The following REV3L variants were observed in gnomAD, a reference collection of about 807,000 sequenced individuals.
REV3L encodes the protein DNA polymerase zeta catalytic subunit.
REV3L carries 69 observed loss-of-function variants against 299.4 expected under a neutral mutation model. The ratio of observed to expected loss-of-function variants is 0.23; its 90% confidence interval spans 0.19 to 0.28. The LOEUF is 0.28. Ranked by LOEUF, REV3L falls within the 10% of genes least tolerant of loss-of-function variation. REV3L has a pLI of 1.00. For missense variants in REV3L, 3,128 were observed against 3,693.8 expected (o/e 0.85, Z 3.97); for synonymous variants, 1,238 against 1,271.4 (o/e 0.97, Z 0.56).
At chr6:111,389,498 G>A (rs1400853430) in intron 6 of REV3L, among the ~76,000 whole-genome samples, 2 of 151,912 alleles carry the variant, frequency 1.3e-5, no homozygotes, top group East Asian at 3.9e-4. Flanking sequence ...GAAATTAAAA[G>A]GCACAGTACA....
chr6:111,329,489 ATTT>A (rs1775172412), intron 25 of REV3L, 40 bp downstream of exon 25: 2 of 1,588,990 alleles, frequency 1.3e-6, no homozygotes, highest in African/African-American at 2.7e-5. Context: ...GCCTCACTGT[ATTT>A]TAGTCTCTTT....
At chr6:111,449,621 T>C (rs145950212) in intron 1 of REV3L, among the ~76,000 whole-genome samples, 57 of 152,316 alleles carry the variant, frequency 3.7e-4, no homozygotes, top group African/African-American at 1.3e-3. Flanking sequence ...CATAAGATTA[T>C]TGACTCAGTA....
intron 16 of REV3L, among the ~76,000 whole-genome samples, chr6:111,363,153 G>C (rs1778868195): frequency 1.3e-5 from 2 of 152,212 alleles, no homozygotes; most frequent in Admixed American, 1.3e-4. Context: ...GGATTAAGTA[G>C]AGAGTATATG....
intron 4 of REV3L, among the ~76,000 whole-genome samples, chr6:111,394,807 A>T (rs1388306033): frequency 6.6e-6 from 1 of 151,114 alleles, no homozygotes; most frequent in Non-Finnish European, 1.5e-5. Context: ...GGCTCAAATG[A>T]TCCTCCCATC....
chr6:111,351,912 G>T, intron 18 of REV3L, 121 bp from the exon 19 acceptor site: 1 of 591,606 alleles, frequency 1.7e-6, no homozygotes. Context: ...ACGGTGCCCA[G>T]ATGGAGAAGG....
Position 111,315,388 on chromosome 6 carries a change from G to A in REV3L, c.8352-7C>T, listed in dbSNP as rs746253250. ...TTTCAGTAGCACAAACATACTAAGG[G>A]GATTAAAAATAAAGTAAGGTAATGA... On this transcript the variant is annotated splice_polypyrimidine_tract_variant and splice_region_variant and intron_variant, in intron 26 of 31. Transcript: ENST00000368802. The A allele has an allele frequency of 6.2e-7, 1 of 1,604,928 alleles. No homozygotes were observed. Among genetic ancestry groups the A allele is most frequent in the Non-Finnish European group, 8.5e-7 (1 of 1,174,048 alleles).
At chr6:111,341,561 T>C (rs1273298007) in intron 21 of REV3L, among the ~76,000 whole-genome samples, 1 of 152,188 alleles carries the variant, frequency 6.6e-6, no homozygotes, top group Admixed American at 6.5e-5. Flanking sequence ...AAGTACAGAT[T>C]CACTCATTTA....
At chr6:111,352,474 T>G (rs1038289410) in intron 18 of REV3L, among the ~76,000 whole-genome samples, 4 of 152,070 alleles carry the variant, frequency 2.6e-5, no homozygotes, top group Non-Finnish European at 4.4e-5. Flanking sequence ...AGGGTGTGTG[T>G]GGGTATGGTA....
chr6:111,373,352 G>A lies in REV3L; in HGVS notation c.5003C>T (p.Pro1668Leu). The A allele has an allele frequency of 6.2e-7, 1 of 1,613,646 alleles. No homozygotes were observed. The highest frequency in any genetic ancestry group is 8.5e-7 in the Non-Finnish European group (1 of 1,179,878). The change falls in exon 13 of 32, where the codon CCA (proline) becomes CTA (leucine). Residue 1668 changes from proline (P) to leucine (L), a missense_variant. By Grantham distance (98) the Pro-to-Leu change is moderately conservative. Transcript: ENST00000368802. ...CSFYSGSQFV[P>L]ADQNLPQKFL... Reference sequence around the variant, plus strand: ...CTTCTGAGGCAAATTCTGATCAGCTGGGACAAACTGACTTCCAGAATAAAA... The same window carrying A: ...CTTCTGAGGCAAATTCTGATCAGCTAGGACAAACTGACTTCCAGAATAAAA...
chr6:111,331,365 T>C (rs1281267923), intron 24 of REV3L, among the ~76,000 whole-genome samples: 1 of 152,192 alleles, frequency 6.6e-6, no homozygotes, highest in African/African-American at 2.4e-5. Context: ...GACCATTAAG[T>C]TGCCATTTAA....
At chr6:111,395,403 T>C (rs1480088539) in intron 4 of REV3L, among the ~76,000 whole-genome samples, 2 of 152,248 alleles carry the variant, frequency 1.3e-5, no homozygotes, top group East Asian at 3.8e-4. Flanking sequence ...CAGTAATTTC[T>C]AGTTTTCCTC....
intron 21 of REV3L, among the ~76,000 whole-genome samples, chr6:111,340,030 C>A (rs1360522522): frequency 6.6e-6 from 1 of 152,024 alleles, no homozygotes; most frequent in African/African-American, 2.4e-5. Context: ...TTGGGTAGTG[C>A]TGAAATGGGA....
At chr6:111,351,833 T>A in intron 18 of REV3L, 42 bp from the exon 19 acceptor site, 1 of 1,303,286 alleles carries the variant, frequency 7.7e-7, no homozygotes, top group Non-Finnish European at 1.1e-6. Context: ...TACCATACAT[T>A]TGAACCTTTA....
intron 17 of REV3L, among the ~76,000 whole-genome samples, chr6:111,358,384 A>C (rs1778312188): frequency 6.6e-6 from 1 of 152,140 alleles, no homozygotes. Context: ...ATTTTTATAA[A>C]ATAATACTTA....
At chr6:111,335,684 C>A in intron 21 of REV3L, 74 bp from the exon 22 acceptor site, 1 of 1,434,780 alleles carries the variant, frequency 7.0e-7, no homozygotes, top group Non-Finnish European at 9.4e-7. Flanking sequence ...TTTTTTCCTG[C>A]CAAAAATCTA....
At chr6:111,480,758 C>T (rs1378298184) in intron 1 of REV3L, among the ~76,000 whole-genome samples, 1 of 147,990 alleles carries the variant, frequency 6.8e-6, no homozygotes, top group African/African-American at 2.5e-5. Flanking sequence ...CTTTTTAATT[C>T]ATTTAAAATA....
At position 111,405,454 on chromosome 6, in the gene REV3L, T is replaced by A; in HGVS notation, c.565+16A>T. The A allele has an allele frequency of 6.4e-7, 1 of 1,572,648 alleles. No individual in the cohort carries two copies. The highest frequency in any genetic ancestry group is 1.4e-5 in the African/African-American group (1 of 73,290). On this transcript the variant is annotated intron_variant, in intron 4 of 31. Coordinates refer to ENST00000368802, the MANE Select transcript of REV3L (RefSeq NM_001372078.1). ...TAATTTGACAAAAATTTAATTTGAC[T>A]GAAAATTAACCTTACTTTTCCTTCT...
At chr6:111,343,585 AG>A (rs1168308503) in intron 21 of REV3L, among the ~76,000 whole-genome samples, 1 of 152,232 alleles carries the variant, frequency 6.6e-6, no homozygotes, top group Non-Finnish European at 1.5e-5. Context: ...GCTGGAGTGC[AG>A]TGGCACGATC....
intron 20 of REV3L, among the ~76,000 whole-genome samples, chr6:111,345,868 G>A (rs1411783832): frequency 6.6e-6 from 1 of 151,464 alleles, no homozygotes; most frequent in Non-Finnish European, 1.5e-5. Flanking sequence ...ATAGCTGGTG[G>A]GTATCACTTT....
Sources: gnomAD v4.1 joint callset for allele counts (sites outside exome capture counted in the v4.1 genomes callset) on GRCh38, gnomAD v4.1.1 for gene constraint, MANE v1.5 for transcripts, NCBI Gene and HGNC (gene_info 2026-07-23, HGNC 2026-07-21) for gene names.